Variants in CALN1 observed in about 807,000 individuals in gnomAD.
CALN1 encodes the protein calcium-binding protein 8.
A neutral mutation model predicts 30.6 loss-of-function variants in CALN1; 17 were observed. The ratio of observed to expected loss-of-function variants is 0.56; its 90% CI spans 0.38 to 0.83. CALN1 has a LOEUF of 0.83. Ranked by LOEUF, CALN1 falls within the 40% of genes least tolerant of loss-of-function variation. CALN1 has a pLI of 0.00. For missense variants in CALN1, 291 were observed against 354.9 expected (o/e 0.82, Z 1.45); for synonymous variants, 156 against 131.4 (o/e 1.19, Z -1.28).
intron 3 of CALN1, among the ~76,000 whole-genome samples, chr7:72,257,437 C>T (rs1795986217): frequency 6.8e-6 from 1 of 146,726 alleles, no homozygotes; most frequent in Admixed American, 6.7e-5. Context: ...GTAAGAATGG[C>T]CACAATTTTA....
intron 1 of CALN1, among the ~76,000 whole-genome samples, chr7:72,446,603 G>A (rs1028332243): frequency 2.0e-5 from 3 of 152,178 alleles, no homozygotes; most frequent in African/African-American, 4.8e-5. Flanking sequence ...TTCCAATAAC[G>A]TAGGAGTGCA....
At chr7:71,908,999 C>T (rs939659718) in intron 5 of CALN1, among the ~76,000 whole-genome samples, 8 of 152,244 alleles carry the variant, frequency 5.3e-5, no homozygotes, top group South Asian at 2.1e-4. Flanking sequence ...ATGACTTCTC[C>T]GTGACATTTT....
intron 4 of CALN1, among the ~76,000 whole-genome samples, chr7:72,089,898 C>A (rs1805737402): frequency 6.6e-6 from 1 of 152,154 alleles, no homozygotes; most frequent in Non-Finnish European, 1.5e-5. Context: ...AACTTCTATG[C>A]ACATACAAAA....
At chr7:72,372,136 T>A (rs1323204428) in intron 2 of CALN1, among the ~76,000 whole-genome samples, 1 of 152,218 alleles carries the variant, frequency 6.6e-6, no homozygotes, top group South Asian at 2.1e-4. Context: ...ATACTCAGAA[T>A]GTGAAAATCC....
chr7:72,098,100 G>T (rs1287199629), intron 4 of CALN1, among the ~76,000 whole-genome samples: 1 of 152,140 alleles, frequency 6.6e-6, no homozygotes, highest in African/African-American at 2.4e-5. Context: ...GACATGCAAA[G>T]GACACCTTGG....
chr7:72,210,192 T>C (rs749083169), intron 3 of CALN1, among the ~76,000 whole-genome samples: 36 of 152,128 alleles, frequency 2.4e-4, no homozygotes, highest in Non-Finnish European at 2.9e-4. Context: ...ACCAGGCTGC[T>C]GGGGCTTCTC....
chr7:72,259,244 G>A (rs1796119090), intron 3 of CALN1, among the ~76,000 whole-genome samples: 1 of 151,988 alleles, frequency 6.6e-6, no homozygotes, highest in African/African-American at 2.4e-5. Context: ...GTCTTTGGCT[G>A]TCTTCTCATT....
intron 1 of CALN1, among the ~76,000 whole-genome samples, chr7:72,409,470 G>A (rs553097526): frequency 1.4e-5 from 2 of 147,678 alleles, no homozygotes; most frequent in Admixed American, 6.7e-5. Flanking sequence ...GCCAGCCTCT[G>A]AGGAAGGAGG....
chr7:72,141,356 T>A (rs1809924313), intron 3 of CALN1, among the ~76,000 whole-genome samples: 1 of 151,934 alleles, frequency 6.6e-6, no homozygotes, highest in South Asian at 2.1e-4. Context: ...TCCTAGCACT[T>A]TGGGAGGCTG....
chr7:72,374,107 AAT>A (rs1470087378), intron 2 of CALN1, among the ~76,000 whole-genome samples: 1 of 152,246 alleles, frequency 6.6e-6, no homozygotes, highest in Non-Finnish European at 1.5e-5. Context: ...GCTCTAAAAC[AAT>A]TGCTAAACGA....
chr7:72,017,170 T>TAAAAAAAAA (rs58672373), intron 5 of CALN1, among the ~76,000 whole-genome samples: 2 of 88,118 alleles, frequency 2.3e-5, no homozygotes, highest in African/African-American at 7.3e-5. Context: ...TCTCAAAAAT[T>TAAAAAAAAA]AAAAAAAAAA....
At chr7:72,271,267 A>G (rs978947891) in intron 3 of CALN1, among the ~76,000 whole-genome samples, 1 of 152,144 alleles carries the variant, frequency 6.6e-6, no homozygotes, top group African/African-American at 2.4e-5. Context: ...TGAGGTCATC[A>G]GCACGTAGAT....
intron 5 of CALN1, among the ~76,000 whole-genome samples, chr7:71,928,519 G>A (rs1358436006): frequency 6.6e-6 from 1 of 151,320 alleles, no homozygotes; most frequent in Non-Finnish European, 1.5e-5. Context: ...TTTGATCCAC[G>A]GTTATTTGAA....
intron 2 of CALN1, among the ~76,000 whole-genome samples, chr7:72,368,822 T>G (rs1480123048): frequency 6.8e-6 from 1 of 147,874 alleles, no homozygotes; most frequent in Non-Finnish European, 1.5e-5. Context: ...TTTTTTTTTT[T>G]TTTTTTTTTT....
At chr7:72,326,075 G>C (rs1246811484) in intron 2 of CALN1, among the ~76,000 whole-genome samples, 1 of 152,144 alleles carries the variant, frequency 6.6e-6, no homozygotes, top group Non-Finnish European at 1.5e-5. Flanking sequence ...GCTAAATTTT[G>C]TATTTTTAGT....
intron 5 of CALN1, among the ~76,000 whole-genome samples, chr7:71,987,275 G>A (rs1322482416): frequency 1.3e-5 from 2 of 152,252 alleles, no homozygotes; most frequent in African/African-American, 4.8e-5. Context: ...TATGTCACGA[G>A]TTGTGCTTAT....
intron 3 of CALN1, among the ~76,000 whole-genome samples, chr7:72,186,515 C>G (rs373038284): frequency 6.6e-6 from 1 of 152,214 alleles, no homozygotes; most frequent in East Asian, 1.9e-4. Context: ...GAACTGAACC[C>G]CTTACACAAG....
chr7:72,204,152 CTAA>C (rs1479563445), intron 3 of CALN1, among the ~76,000 whole-genome samples: 9 of 138,110 alleles, frequency 6.5e-5, no homozygotes, highest in African/African-American at 2.5e-4. Context: ...CCACACCTGG[CTAA>C]TTTTTTTTTT....
rs117365812 is a variant in CALN1, at chr7:72,102,414, C to T, written c.388+3737G>A. Among the ~76,000 whole-genome samples the T allele has an allele frequency of 6.2e-3, 938 of 152,242 alleles. 34 individuals carry two copies. In the East Asian group the frequency reaches 0.078, roughly 13 times the overall value. Reference sequence around the variant, plus strand: ...GAGCCAAGATCATGCCACTGCACTGCAGCCTGGGCGTAAGACAGAGTGAGA... The same window carrying T: ...GAGCCAAGATCATGCCACTGCACTGTAGCCTGGGCGTAAGACAGAGTGAGA... On this transcript the variant is annotated intron_variant, in intron 4 of 6. Transcript: ENST00000395275.
Sources: gnomAD v4.1 joint callset for allele counts (sites outside exome capture counted in the v4.1 genomes callset) on GRCh38, gnomAD v4.1.1 for gene constraint, MANE v1.5 for transcripts, NCBI Gene and HGNC (gene_info 2026-07-23, HGNC 2026-07-21) for gene names.